The following POTEI variants were observed in gnomAD, a reference collection of about 807,000 sequenced individuals.
POTEI encodes the protein POTE ankyrin domain family, member I.
POTEI carries 14 observed loss-of-function variants against 43.4 expected under a neutral mutation model. That is an observed-to-expected ratio of 0.32 (90% CI 0.21 to 0.50). The LOEUF (loss-of-function observed/expected upper bound fraction) is 0.50, where lower values mean the gene tolerates loss of function less well. Among genes scored for constraint, POTEI ranks in the 20% least tolerant of loss-of-function variants. POTEI has a pLI of 0.98. For synonymous variants in POTEI, 95 were observed against 297.9 expected (o/e 0.32, Z 7.01); for missense variants, 235 against 795.4 (o/e 0.30, Z 8.47).
At position 130,496,708 on chromosome 2, in the gene POTEI, T is replaced by C; in HGVS notation, c.1056-86A>G. On this transcript the variant is annotated intron_variant, in intron 5 of 14. Transcript: ENST00000451531. ...CAAATGTAGAATTATTAAGAGTATTTCAAACAATATCAGAATATCAGAACT... is the reference window on the plus strand; with the variant it reads ...CAAATGTAGAATTATTAAGAGTATTCCAAACAATATCAGAATATCAGAACT... 4.8e-6 allele frequency: 7 copies of C among 1,444,272 alleles called. No homozygotes were observed. The South Asian group carries it at 6.3e-5, about 13-fold the overall frequency. The allele number at this position is 1,444,272 out of a possible 1,614,324, so 89.5% of individuals were successfully genotyped here. A position where few individuals can be genotyped will look rare whatever the true frequency, so the allele number is the denominator to read the frequency against.
intron 6 of POTEI, among the ~76,000 whole-genome samples, chr2:130,492,993 CT>C (rs1683803693): frequency 6.7e-6 from 1 of 149,780 alleles, no homozygotes; most frequent in South Asian, 2.2e-4. Context: ...CACTCTTTCT[CT>C]TTTTTCATTT....
intron 13 of POTEI, among the ~76,000 whole-genome samples, chr2:130,467,671 AAAC>A (rs1216239455): frequency 2.0e-5 from 3 of 152,136 alleles, no homozygotes; most frequent in Middle Eastern, 3.2e-3. Context: ...AATAATCATC[AAAC>A]AACAACTTAT....
intron 1 of POTEI, among the ~76,000 whole-genome samples, chr2:130,505,063 T>C (rs10928975): frequency 0.79 from 114,513 of 145,040 alleles, 45,034 homozygotes; most frequent in East Asian, 0.99. Flanking sequence ...TCTTTCCCTC[T>C]TCCCACCCTC....
rs768004128 is a variant in POTEI at position 130,509,029 on chromosome 2, G to T, written c.207C>A (p.Phe69Leu). ...TCTTGCCACTCCCCCTGCAGCAGGG[G>T]AAGCAGTGGCAGCACCACTTGCCCA... Reference protein sequence around the residue: ...SKMGKWCCHCFPCCRGSGKSN... With the variant: ...SKMGKWCCHCLPCCRGSGKSN... Residue 69 changes from phenylalanine to leucine, a missense_variant, in exon 1 of 15, where the codon TTC becomes TTA. Phe to Leu is a conservative substitution (Grantham distance 22). Coordinates refer to ENST00000451531, the MANE Select transcript of POTEI (RefSeq NM_001277406.2). 6.6e-7 allele frequency: 1 copy of T among 1,519,312 alleles called. No individual in the cohort carries two copies. Among genetic ancestry groups the T allele is most frequent in the East Asian group, 2.3e-5 (1 of 43,012 alleles). The allele number at this position is 1,519,312 out of a possible 1,614,324, so 94.1% of individuals were successfully genotyped here.
At chr2:130,483,551 T>C (rs1171066317) in intron 9 of POTEI, among the ~76,000 whole-genome samples, 1 of 119,776 alleles carries the variant, frequency 8.3e-6, no homozygotes, top group Non-Finnish European at 1.7e-5. Flanking sequence ...ATTTTAAAAA[T>C]GCAGACAATT....
intron 10 of POTEI, among the ~76,000 whole-genome samples, chr2:130,480,107 G>A (rs373794434): frequency 4.6e-5 from 2 of 43,740 alleles, no homozygotes; most frequent in Admixed American, 2.5e-4. Flanking sequence ...GAGCTGCTGC[G>A]GATTAGCCAA....
intron 6 of POTEI, among the ~76,000 whole-genome samples, chr2:130,492,673 C>T (rs200271839): frequency 0.68 from 85,449 of 125,482 alleles, 30,505 homozygotes; most frequent in Non-Finnish European, 0.82. Context: ...GTGGACACAG[C>T]TGAGATGATA....
chr2:130,501,887 C>CAA (rs1201943516), intron 3 of POTEI, among the ~76,000 whole-genome samples: 2 of 854 alleles, frequency 2.3e-3, no homozygotes, highest in African/African-American at 2.9e-3. Flanking sequence ...GACCCCATCT[C>CAA]AAAAAAAAAA....
chr2:130,477,164 T>C (rs1220248050), intron 10 of POTEI, among the ~76,000 whole-genome samples: 1 of 151,344 alleles, frequency 6.6e-6, no homozygotes, highest in Non-Finnish European at 1.5e-5. Context: ...TTTTTCTTTT[T>C]TTTTTTTTAT....
rs1231943108 is a variant in POTEI at position 130,509,008 on chromosome 2, G to C, written c.228C>G (p.Gly76=). 9.2e-6 allele frequency: 14 copies of C among 1,518,448 alleles called. No individual in the cohort carries two copies. Among genetic ancestry groups the C allele is most frequent in the Non-Finnish European group, 1.3e-5 (14 of 1,107,190 alleles). 94.1% of individuals were successfully genotyped at this position (1,518,448 alleles called of 1,614,324 possible). A position where few individuals can be genotyped will look rare whatever the true frequency, so the allele number is the denominator to read the frequency against. The change falls in exon 1 of 15, where the codon GGC becomes GGG. Residue 76 remains glycine, a synonymous_variant. Coordinates refer to ENST00000451531, the MANE Select transcript of POTEI (RefSeq NM_001277406.2). ...CHCFPCCRGS[G]KSNVGTSGDH... is the part of the protein sequence containing the mutation. Reference sequence around the variant, plus strand: ...CTCCAGAAGTGCCCACGTTGCTCTTGCCACTCCCCCTGCAGCAGGGGAAGC... The same window carrying C: ...CTCCAGAAGTGCCCACGTTGCTCTTCCCACTCCCCCTGCAGCAGGGGAAGC...
Position 130,467,566 on chromosome 2 carries a change from G to A in POTEI, c.1779-1794C>T, listed in dbSNP as rs543889127. ...ACCTGAAAACATTGGCCTAGGCAAA[G>A]GATTTATGAGGAAGACCCTAAAAGC... On this transcript the variant is annotated intron_variant, in intron 13 of 14. Transcript: ENST00000451531. 2.1e-4 allele frequency among the ~76,000 whole-genome samples: 31 copies of A among 144,224 alleles called. No individual in the cohort carries two copies. In the East Asian group the frequency reaches 6.3e-3, roughly 29 times the overall value. 94.6% of individuals were successfully genotyped at this position (144,224 alleles called of 152,430 possible).
At chr2:130,487,185 T>C (rs1483979576) in intron 9 of POTEI, among the ~76,000 whole-genome samples, 221 of 59,330 alleles carry the variant, frequency 3.7e-3, no homozygotes, top group African/African-American at 0.011. Flanking sequence ...TTGTAAAAAA[T>C]GGTTGCATAC....
intron 13 of POTEI, among the ~76,000 whole-genome samples, chr2:130,473,646 C>T (rs1265923655): frequency 4.3e-5 from 1 of 23,102 alleles, no homozygotes; most frequent in African/African-American, 4.7e-5. Context: ...CATAATAATA[C>T]TATAATAAAT....
chr2:130,488,753 C>A (rs1290990389), intron 8 of POTEI, among the ~76,000 whole-genome samples: 2 of 100,236 alleles, frequency 2.0e-5, no homozygotes, highest in Non-Finnish European at 4.1e-5. Context: ...CATGATGGTG[C>A]TCACTGAAAA....
chr2:130,470,913 TA>T (rs368443202), intron 13 of POTEI, among the ~76,000 whole-genome samples: 9 of 3,610 alleles, frequency 2.5e-3, no homozygotes, highest in African/African-American at 2.7e-3. Flanking sequence ...CTTTAAGCAC[TA>T]AGGGATAGGT....
intron 6 of POTEI, among the ~76,000 whole-genome samples, chr2:130,491,658 C>CT (rs4044419): frequency 3.4e-4 from 2 of 5,820 alleles, no homozygotes; most frequent in African/African-American, 3.8e-4. Context: ...ATTTTTCTTT[C>CT]TTTTTTTTTT....
intron 1 of POTEI, among the ~76,000 whole-genome samples, chr2:130,505,015 G>A (rs1265716095): frequency 1.4e-5 from 2 of 142,904 alleles, no homozygotes; most frequent in African/African-American, 5.2e-5. Flanking sequence ...TCATTACCCA[G>A]GTGTTAAGCC....
chr2:130,461,558 G>C lies in POTEI; in HGVS notation c.*1258C>G, dbSNP rs1187918796. On this transcript the variant is annotated 3_prime_UTR_variant, in exon 15 of 15. Transcript: ENST00000451531. The stretch of plus-strand genomic sequence containing the variant: ...CAAAGCCCGCAGGCCAGAATGGCTA[G>C]TCACCGAAAGAGCAAAGGTGGGGGC... The C allele has an allele frequency of 1.3e-5, 2 of 152,146 alleles. No homozygotes were observed. The highest frequency in any genetic ancestry group is 2.9e-5 in the Non-Finnish European group (2 of 68,036). 9.4% of individuals were successfully genotyped at this position (152,146 alleles called of 1,614,324 possible).
chr2:130,467,094 CCAAAG>C (rs1215484147), intron 13 of POTEI, among the ~76,000 whole-genome samples: 1 of 38 alleles, frequency 0.026, no homozygotes, highest in African/African-American at 0.05. Context: ...ACCATAGTGC[CCAAAG>C]CAGTCTACAC....
Sources: allele counts gnomAD v4.1 joint callset (sites outside exome capture counted in the v4.1 genomes callset), GRCh38; gene constraint gnomAD v4.1.1; transcripts MANE v1.5; gene names NCBI Gene and HGNC (gene_info 2026-07-23, HGNC 2026-07-21).